Variants in C8orf58 observed in about 807,000 individuals in gnomAD.
The protein encoded by C8orf58 is uncharacterized protein C8orf58.
Under a neutral mutation model 36.8 loss-of-function variants are expected in C8orf58, and 31 were observed. That is an observed-to-expected ratio of 0.84 (90% CI 0.63 to 1.14). The LOEUF (loss-of-function observed/expected upper bound fraction) is 1.14. Among genes scored for constraint, C8orf58 ranks in the 50% most tolerant of loss-of-function variants. The pLI is 0.00. For missense variants in C8orf58, 538 were observed against 480.8 expected (o/e 1.12, Z -1.11); for synonymous variants, 230 against 200.2 (o/e 1.15, Z -1.26).
Position 22,601,343 on chromosome 8 carries a change from C to T in C8orf58, c.502C>T (p.Leu168=), listed in dbSNP as rs1405705434. The change falls in exon 2 of 7, where the codon CTG becomes TTG. Residue 168 remains leucine, a synonymous_variant. Transcript: ENST00000289989. ...GGCAGACACAGACCTAGAGGCAGGC[C>T]TGGAAGAAGAGGCGGTGAGTGCTCA... ...MEADTDLEAG[L]EEEAVGGLGP... 2 of 1,582,028 alleles carry T rather than the reference C, an allele frequency of 1.3e-6. No individual in the cohort carries two copies. Among genetic ancestry groups the T allele is most frequent in the African/African-American group, 2.7e-5 (2 of 74,356 alleles).
Position 22,602,053 on chromosome 8 carries a change from G to A in C8orf58, c.739G>A (p.Glu247Lys), listed in dbSNP as rs765643934. The A allele has an allele frequency of 3.8e-6, 6 of 1,577,420 alleles. No homozygotes were observed. The African/African-American group carries it at 4.1e-5, about 11-fold the overall frequency. The change falls in exon 4 of 7, where the codon GAG (glutamate) becomes AAG (lysine). Residue 247 changes from glutamate (E) to lysine (K), a missense_variant. Glu to Lys is a moderately conservative substitution (Grantham distance 56). Coordinates refer to ENST00000289989, the MANE Select transcript of C8orf58 (RefSeq NM_001013842.3). Reference protein sequence around the residue: ...TPGNRGQGPWELLSQTEHTGA... With the variant: ...TPGNRGQGPWKLLSQTEHTGA... Reference sequence around the variant, plus strand: ...AGGCAATCGGGGGCAGGGGCCATGGGAGCTGCTAAGCCAGACAGAGCACAC... The same window carrying A: ...AGGCAATCGGGGGCAGGGGCCATGGAAGCTGCTAAGCCAGACAGAGCACAC...
At chr8:22,601,600 C>T (rs1324712575) in intron 2 of C8orf58, 112 bp from the exon 3 acceptor site, 44 of 1,320,280 alleles carry the variant, frequency 3.3e-5, no homozygotes, top group Non-Finnish European at 4.6e-5. Flanking sequence ...TGCGTGTGTT[C>T]CTCCTCGGGG....
rs1179875396 is a variant in C8orf58, at chr8:22,602,181, C to T, written c.767-19C>T. The T allele has an allele frequency of 1.3e-6, 2 of 1,579,928 alleles. No homozygotes were observed. The highest frequency in any genetic ancestry group is 1.7e-6 in the Non-Finnish European group (2 of 1,163,228). On this transcript the variant is annotated intron_variant, in intron 4 of 6. Transcript: ENST00000289989. ...TGGGGTGTCTTCTGGCCCTGGCCAACCTGACTGTCTTTCTGAAGGAGCAAA... is the reference window on the plus strand; with the variant it reads ...TGGGGTGTCTTCTGGCCCTGGCCAATCTGACTGTCTTTCTGAAGGAGCAAA...
intron 1 of C8orf58, chr8:22,600,597 G>A: frequency 2.3e-6 from 1 of 443,224 alleles, no homozygotes; most frequent in Non-Finnish European, 4.1e-6. Flanking sequence ...GGTGGGAAGC[G>A]CAGGCGCAGG....
Position 22,599,692 on chromosome 8 carries a change from T to G in C8orf58, c.-29T>G, listed in dbSNP as rs755934. On this transcript the variant is annotated 5_prime_UTR_variant, in exon 1 of 7. Coordinates refer to ENST00000289989, the MANE Select transcript of C8orf58 (RefSeq NM_001013842.3). ...GGGCCGGGATCCTCGGGCGGCTGCATTGGCCGGGGCCGGGGCCGGGAGCGG... is the reference window on the plus strand; with the variant it reads ...GGGCCGGGATCCTCGGGCGGCTGCAGTGGCCGGGGCCGGGGCCGGGAGCGG... The G allele has an allele frequency of 0.32, 384,948 of 1,186,540 alleles. 63,422 individuals carry two copies. The highest frequency in any genetic ancestry group is 0.37 in the South Asian group (8,796 of 23,584). The allele number at this position is 1,186,540 out of a possible 1,614,324, so 73.5% of individuals were successfully genotyped here.
chr8:22,602,911 G>T, intron 6 of C8orf58: 1 of 584,534 alleles, frequency 1.7e-6, no homozygotes, highest in Non-Finnish European at 3.0e-6. Flanking sequence ...GCCTACCCTA[G>T]CTCAGCAACC....
Position 22,602,293 on chromosome 8 carries a change from C to G in C8orf58, c.860C>G (p.Pro287Arg). 1 of 1,602,096 alleles carries G rather than the reference C, an allele frequency of 6.2e-7. No individual in the cohort carries two copies. Among genetic ancestry groups the G allele is most frequent in the Non-Finnish European group, 8.5e-7 (1 of 1,175,776 alleles). The part of the protein sequence containing the change: ...ETPVEPTYHL[P>R]SSQGHKRDIS... ...CCAGTGGAGCCAACGTACCACTTGC[C>G]ATCCTCCCAGGGACACAAGGTAGGG... is the stretch of plus-strand genomic sequence containing the variant. The change falls in exon 5 of 7, where the codon CCA becomes CGA. Residue 287 changes from proline to arginine, a missense_variant. By Grantham distance (103) the Pro-to-Arg change is moderately radical. Transcript: ENST00000289989.
chr8:22,600,252 G>A (rs1409697841), intron 1 of C8orf58: 1 of 159,182 alleles, frequency 6.3e-6, no homozygotes, highest in Non-Finnish European at 1.4e-5. Flanking sequence ...AGGTGACAGT[G>A]AGGGGGTGCT....
At position 22,603,239 on chromosome 8, in the gene C8orf58, A is replaced by G; in HGVS notation, c.1031A>G (p.His344Arg). The change falls in exon 7 of 7, where the codon CAC becomes CGC. Residue 344 changes from histidine (H) to arginine (R), a missense_variant. Physicochemically the swap from His to Arg is conservative, Grantham distance 29. Transcript: ENST00000289989. ...CCTGAAAGGCCTCAGTGCCGCCCCC[A>G]CCGGAAGACCTTTATGCCATCATTA... Reference protein sequence around the residue: ...DLPERPQCRPHRKTFMPSLVV... With the variant: ...DLPERPQCRPRRKTFMPSLVV... 6.2e-7 allele frequency: 1 copy of G among 1,613,738 alleles called. No homozygotes were observed. The highest frequency in any genetic ancestry group is 1.1e-5 in the South Asian group (1 of 91,078).
In C8orf58 at chr8:22,601,002, G is replaced by T. The variant is rs765617757; in HGVS notation, c.161G>T (p.Gly54Val). The T allele has an allele frequency of 6.2e-7, 1 of 1,612,686 alleles. No homozygotes were observed. The highest frequency in any genetic ancestry group is 8.5e-7 in the Non-Finnish European group (1 of 1,180,030). ...SSWERGDKFR[G>V]VGREALFLKL... ...TGGGAGAGAGGTGACAAGTTCAGAG[G>T]TGTCGGCAGGGAGGCACTCTTTCTC... Residue 54 changes from glycine (G) to valine (V), a missense_variant, in exon 2 of 7, where the codon GGT (glycine) becomes GTT (valine). Transcript: ENST00000289989.
rs1286357400 is a variant in C8orf58, at chr8:22,599,772, A to C, written c.40+12A>C. 8.3e-7 allele frequency: 1 copy of C among 1,207,432 alleles called. No homozygotes were observed. The highest frequency in any genetic ancestry group is 1.0e-6 in the Non-Finnish European group (1 of 971,034). The allele number at this position is 1,207,432 out of a possible 1,614,324, so 74.8% of individuals were successfully genotyped here. On this transcript the variant is annotated intron_variant, in intron 1 of 6. Transcript: ENST00000289989. ...CGTGGACGGCCGGGGTGAGTCACCC[A>C]CCCCCAGGCTGGCCGGGCTCCCCCC... is the stretch of plus-strand genomic sequence containing the variant.
chr8:22,599,756 C>A lies in C8orf58; in HGVS notation c.36C>A (p.Gly12=). 2.5e-6 allele frequency: 3 copies of A among 1,218,776 alleles called. No individual in the cohort carries two copies. Among genetic ancestry groups the A allele is most frequent in the Non-Finnish European group, 3.1e-6 (3 of 979,246 alleles). 75.5% of individuals were successfully genotyped at this position (1,218,776 alleles called of 1,614,324 possible). Reference sequence around the variant, plus strand: ...GGCGGCGCGCCTTCGCCGTGGACGGCCGGGGTGAGTCACCCACCCCCAGGC... The same window carrying A: ...GGCGGCGCGCCTTCGCCGTGGACGGACGGGGTGAGTCACCCACCCCCAGGC... ...MGRRRAFAVD[G]RDGAGEGLAR... The change falls in exon 1 of 7, where the codon GGC becomes GGA. Residue 12 remains glycine, a synonymous_variant. Transcript: ENST00000289989.
In C8orf58 at chr8:22,603,589, G is replaced by A; in HGVS notation, c.*283G>A. On this transcript the variant is annotated 3_prime_UTR_variant, in exon 7 of 7. Coordinates refer to ENST00000289989, the MANE Select transcript of C8orf58 (RefSeq NM_001013842.3). ...TCACTCATTGTCAGGTGTCCGTGGA[G>A]TGTTTTTGGCATGGTGACCTGTCTG... The A allele has an allele frequency of 2.0e-6, 1 of 496,856 alleles. No individual in the cohort carries two copies. The highest frequency in any genetic ancestry group is 3.7e-6 in the Non-Finnish European group (1 of 271,536). 30.8% of individuals were successfully genotyped at this position (496,856 alleles called of 1,614,324 possible).
rs760952227 is a variant in C8orf58, at chr8:22,602,653, G to A, written c.986+10G>A. 17 of 1,504,572 alleles carry A rather than the reference G, an allele frequency of 1.1e-5. No homozygotes were observed. The highest frequency in any genetic ancestry group is 2.8e-5 in the African/African-American group (2 of 71,780). The allele number at this position is 1,504,572 out of a possible 1,614,324, so 93.2% of individuals were successfully genotyped here. ...ATGGCTCTGACCCCAGGTGAGCCCC[G>A]TGCCCAGCCCAGGTTAGGGCACGGA... On this transcript the variant is annotated intron_variant, in intron 6 of 6. Coordinates refer to ENST00000289989, the MANE Select transcript of C8orf58 (RefSeq NM_001013842.3).
chr8:22,600,738 AT>A (rs1800824469), intron 1 of C8orf58, 143 bp from the exon 2 acceptor site: 2 of 654,766 alleles, frequency 3.1e-6, no homozygotes, highest in East Asian at 5.5e-5. Flanking sequence ...AGCTGGGGCC[AT>A]ATCCGGGCTG....
intron 3 of C8orf58, 47 bp downstream of exon 3, chr8:22,601,899 G>A (rs1800872060): frequency 1.3e-6 from 2 of 1,562,662 alleles, no homozygotes; most frequent in Non-Finnish European, 1.7e-6. Context: ...TGGGACCCTG[G>A]GAACCATGGC....
At position 22,599,796 on chromosome 8, in the gene C8orf58, C is replaced by G. The variant is rs535171077; in HGVS notation, c.40+36C>G. On this transcript the variant is annotated intron_variant, in intron 1 of 6. Transcript: ENST00000289989. ...CACCCCCAGGCTGGCCGGGCTCCCCCCTGCCCCGGAGCCGCTTCCCGCCCC... is the reference window on the plus strand; with the variant it reads ...CACCCCCAGGCTGGCCGGGCTCCCCGCTGCCCCGGAGCCGCTTCCCGCCCC... 137 of 1,114,172 alleles carry G rather than the reference C, an allele frequency of 1.2e-4. 1 individual carries two copies. In the African/African-American group the frequency reaches 1.9e-3, roughly 16 times the overall value. The allele number at this position is 1,114,172 out of a possible 1,614,324, so 69.0% of individuals were successfully genotyped here.
Position 22,601,278 on chromosome 8 carries a change from G to A in C8orf58, c.437G>A (p.Arg146His), listed in dbSNP as rs759153096. 47 of 1,609,600 alleles carry A rather than the reference G, an allele frequency of 2.9e-5. No homozygotes were observed. Among genetic ancestry groups the A allele is most frequent in the African/African-American group, 9.3e-5 (7 of 74,880 alleles). ...CTGCGGCTGGCAAGCAAGCCTGAGC[G>A]TGAAGTGCCCCTTGGAGCAGGGCAA... ...RSLRLASKPE[R>H]EVPLGAGQQE... The change falls in exon 2 of 7, where the codon CGT becomes CAT. Residue 146 changes from arginine (R) to histidine (H), a missense_variant. Transcript: ENST00000289989.
chr8:22,602,811 A>T, intron 6 of C8orf58, 168 bp downstream of exon 6: 1 of 591,950 alleles, frequency 1.7e-6, no homozygotes, highest in Non-Finnish European at 3.0e-6. Context: ...ACAGATAAGG[A>T]GGCAGGGTTC....
Sources: allele counts gnomAD v4.1 joint callset, GRCh38; gene constraint gnomAD v4.1.1; transcripts MANE v1.5; gene names NCBI Gene and HGNC (gene_info 2026-07-23, HGNC 2026-07-21).